Variants in TTC39B observed in about 807,000 individuals in gnomAD.
TTC39B encodes the protein tetratricopeptide repeat domain 39B, also known as tetratricopeptide repeat protein 39B.
TTC39B carries 92 observed loss-of-function variants against 96.6 expected under a neutral mutation model. That is an observed-to-expected ratio of 0.95 (90% confidence interval 0.80 to 1.13). The LOEUF (loss-of-function observed/expected upper bound fraction) is 1.13. Among genes scored for constraint, TTC39B ranks in the 50% most tolerant of loss-of-function variants. The pLI, the probability that TTC39B is intolerant of heterozygous loss-of-function variation, is 0.00. For missense variants in TTC39B, 955 were observed against 809.3 expected (o/e 1.18, Z -2.18); for synonymous variants, 367 against 299.4 (o/e 1.23, Z -2.33).
At chr9:15,290,629 T>C (rs1209388880) in intron 1 of TTC39B, among the ~76,000 whole-genome samples, 2 of 152,262 alleles carry the variant, frequency 1.3e-5, no homozygotes, top group East Asian at 3.8e-4. Flanking sequence ...TTACGTAAAA[T>C]GCAGATTTAA....
chr9:15,250,232 C>A (rs1249170366), intron 2 of TTC39B: 1 of 1,088,430 alleles, frequency 9.2e-7, no homozygotes, highest in African/African-American at 1.7e-5. Context: ...GGAAGGGATG[C>A]CGGGAGATTT....
intron 2 of TTC39B, among the ~76,000 whole-genome samples, chr9:15,261,337 G>T (rs895476252): frequency 3.9e-5 from 6 of 151,984 alleles, no homozygotes; most frequent in African/African-American, 4.8e-5. Context: ...TTAGCCAGGC[G>T]TGATGGCACC....
chr9:15,206,392 G>A (rs1819858387), intron 6 of TTC39B, among the ~76,000 whole-genome samples: 1 of 152,206 alleles, frequency 6.6e-6, no homozygotes, highest in Non-Finnish European at 1.5e-5. Flanking sequence ...AAGCTACAAT[G>A]TTTTGACATG....
intron 4 of TTC39B, 65 bp from the exon 5 acceptor site, chr9:15,211,462 A>G (rs1187388264): frequency 1.5e-6 from 2 of 1,337,830 alleles, no homozygotes; most frequent in East Asian, 5.5e-5. Context: ...AAGAAATCCT[A>G]GTAAATGCAT....
chr9:15,167,622 C>T lies in TTC39B; in HGVS notation c.*4397G>A, dbSNP rs1280141064. ...ACAAAATTAGCTGGGCATGGTGGCACATGCCTGTAATCCCAGCTACTTGGG... is the reference window on the plus strand; with the variant it reads ...ACAAAATTAGCTGGGCATGGTGGCATATGCCTGTAATCCCAGCTACTTGGG... On this transcript the variant is annotated 3_prime_UTR_variant, in exon 20 of 20. Transcript: ENST00000512701. 2.0e-5 allele frequency: 3 copies of T among 152,364 alleles called. No individual in the cohort carries two copies. The East Asian group carries it at 5.8e-4, about 30-fold the overall frequency. The allele number at this position is 152,364 out of a possible 1,614,324, so 9.4% of individuals were successfully genotyped here. A position where few individuals can be genotyped will look rare whatever the true frequency, so the allele number is the denominator to read the frequency against.
chr9:15,166,232 T>C (rs1410869576), exon 20 of TTC39B: 2 of 152,246 alleles, frequency 1.3e-5, no homozygotes, highest in Admixed American at 6.5e-5. Context: ...CTATTAAATA[T>C]CCAATCTGTA....
chr9:15,264,553 G>C (rs1347670035), intron 2 of TTC39B, among the ~76,000 whole-genome samples: 1 of 151,536 alleles, frequency 6.6e-6, no homozygotes, highest in Non-Finnish European at 1.5e-5. Context: ...TACTTGGAAG[G>C]CTGAGGCAGG....
rs1308878260 is a variant in TTC39B at position 15,306,637 on chromosome 9, A to C, written c.240+447T>G. 6.6e-6 allele frequency among the ~76,000 whole-genome samples: 1 copy of C among 152,182 alleles called. No homozygotes were observed. Among genetic ancestry groups the C allele is most frequent in the African/African-American group, 2.4e-5 (1 of 41,452 alleles). On this transcript the variant is annotated intron_variant, in intron 1 of 19. Coordinates refer to ENST00000512701, the Ensembl canonical transcript of TTC39B. The surrounding 1 kb of genome is among the most constrained non-coding windows in gnomAD (Gnocchi z 5.1). ...TAAGCCTTTCGGTTCTGCCACCAGG[A>C]AACTTCCATAGAAGGTGAGATTCCC... is the stretch of plus-strand genomic sequence containing the variant.
intron 2 of TTC39B, among the ~76,000 whole-genome samples, chr9:15,233,618 G>A (rs1456384290): frequency 6.6e-6 from 1 of 152,256 alleles, no homozygotes; most frequent in Admixed American, 6.5e-5. Flanking sequence ...TCGGCCTCCC[G>A]AGGTGCCGGG....
At chr9:15,280,319 C>T (rs1013257526) in intron 1 of TTC39B, among the ~76,000 whole-genome samples, 9 of 152,168 alleles carry the variant, frequency 5.9e-5, no homozygotes, top group African/African-American at 2.2e-4. Flanking sequence ...GTCCTCAAAG[C>T]CAAAAATATT....
chr9:15,167,008 ATATATATATATATATATATATTTTTTT>A (rs1564299796), exon 20 of TTC39B: 1 of 5,974 alleles, frequency 1.7e-4, no homozygotes, highest in Non-Finnish European at 2.9e-4. Flanking sequence ...ATATATATAT[ATATATATATATATATATATATTTTTTT>A]TTTTTTTTTT....
chr9:15,198,834 G>T (rs1323732203), intron 8 of TTC39B, among the ~76,000 whole-genome samples: 1 of 151,896 alleles, frequency 6.6e-6, no homozygotes, highest in Non-Finnish European at 1.5e-5. Context: ...AACAAAAATA[G>T]GTTTAAAGTA....
intron 4 of TTC39B, 71 bp downstream of exon 4, chr9:15,214,068 C>T: frequency 8.5e-7 from 1 of 1,179,494 alleles, no homozygotes; most frequent in South Asian, 1.4e-5. Context: ...AATTAATTTA[C>T]AAGCATGACA....
chr9:15,173,380 C>T (rs1817761964), intron 19 of TTC39B, among the ~76,000 whole-genome samples: 1 of 152,154 alleles, frequency 6.6e-6, no homozygotes, highest in African/African-American at 2.4e-5. Context: ...GTTCTATTCA[C>T]AGCAAACATC....
At chr9:15,228,132 T>A (rs1229085299) in intron 2 of TTC39B, among the ~76,000 whole-genome samples, 2 of 152,032 alleles carry the variant, frequency 1.3e-5, no homozygotes, top group Non-Finnish European at 2.9e-5. Flanking sequence ...TAAACATAAA[T>A]TTGGTGTGCC....
chr9:15,165,582 T>G (rs2118265908), exon 20 of TTC39B: 1 of 152,322 alleles, frequency 6.6e-6, no homozygotes, highest in Non-Finnish European at 1.5e-5. Flanking sequence ...TGACTCACAA[T>G]TCTGCATGGC....
intron 2 of TTC39B, among the ~76,000 whole-genome samples, chr9:15,256,249 A>G (rs1447591639): frequency 2.0e-5 from 3 of 152,098 alleles, no homozygotes; most frequent in African/African-American, 7.2e-5. Flanking sequence ...GACACAAAGA[A>G]GGCACCATCT....
intron 1 of TTC39B, among the ~76,000 whole-genome samples, chr9:15,298,667 A>C (rs1824469221): frequency 6.6e-6 from 1 of 152,156 alleles, no homozygotes; most frequent in Non-Finnish European, 1.5e-5. Flanking sequence ...TATGTGAGCT[A>C]TGACTCAAGA....
At chr9:15,194,135 C>A (rs1371096821) in intron 8 of TTC39B, among the ~76,000 whole-genome samples, 6 of 152,054 alleles carry the variant, frequency 3.9e-5, no homozygotes, top group Admixed American at 3.9e-4. Context: ...TGACGATTTA[C>A]AATCTTCCAT....
Sources: allele counts gnomAD v4.1 joint callset (sites outside exome capture counted in the v4.1 genomes callset), GRCh38; gene constraint gnomAD v4.1.1; non-coding constraint Gnocchi (gnomAD v3.1); transcripts MANE v1.5; gene names NCBI Gene and HGNC (gene_info 2026-07-23, HGNC 2026-07-21).